The following MMUT variants were observed in gnomAD, a reference collection of about 807,000 sequenced individuals.
MMUT encodes the protein methylmalonyl-CoA mutase, mitochondrial.
In MMUT, 79 loss-of-function variants were observed where a neutral mutation model predicts 79.9. That is an observed-to-expected ratio of 0.99 (90% CI 0.82 to 1.19). The LOEUF (loss-of-function observed/expected upper bound fraction) is 1.19. MMUT is among the 50% of genes most tolerant of loss of function. MMUT has a pLI of 0.00. For synonymous variants in MMUT, 273 were observed against 295.7 expected, an observed-to-expected ratio of 0.92 and a Z score of 0.79; for missense variants, 860 against 917.2, an observed-to-expected ratio of 0.94 and a Z score of 0.81.
intron 8 of MMUT, 99 bp from the exon 9 acceptor site, chr6:49,444,853 C>A: frequency 1.2e-6 from 1 of 839,808 alleles, no homozygotes; most frequent in Non-Finnish European, 1.9e-6. Context: ...GCATTTTTTT[C>A]CATAATCCTA....
At chr6:49,448,722 TTTTTG>T (rs1767472988) in intron 7 of MMUT, 89 bp downstream of exon 7, 3 of 1,062,688 alleles carry the variant, frequency 2.8e-6, no homozygotes, top group South Asian at 1.3e-5. Context: ...TTTTTCATTA[TTTTTG>T]TTTTGTTAAC....
chr6:49,431,973 A>G (rs1766991801), intron 12 of MMUT, 117 bp from the exon 13 acceptor site: 1 of 1,198,668 alleles, frequency 8.3e-7, no homozygotes, highest in Non-Finnish European at 1.2e-6. Context: ...CTGGTATACT[A>G]CTGGCATTTG....
chr6:49,453,961 G>T (rs1263822649), intron 4 of MMUT, among the ~76,000 whole-genome samples: 2 of 152,060 alleles, frequency 1.3e-5, no homozygotes, highest in Admixed American at 1.3e-4. Context: ...AAGAAATTTT[G>T]CTTCAGGTAA....
rs533286592 is a variant in MMUT at position 49,436,607 on chromosome 6, A to G, written c.1957-984T>C. On this transcript the variant is annotated intron_variant, in intron 11 of 12. Coordinates refer to ENST00000274813, the MANE Select transcript of MMUT (RefSeq NM_000255.4). Reference sequence around the variant, plus strand: ...ATGAAAGAGCGAGACTCTGTTTCAAAAAAAAAAAAAAAAATACACATTCAC... The same window carrying G: ...ATGAAAGAGCGAGACTCTGTTTCAAGAAAAAAAAAAAAAATACACATTCAC... Among the ~76,000 whole-genome samples the G allele has an allele frequency of 1.4e-4, 21 of 150,056 alleles. No homozygotes were observed. In the South Asian group the frequency reaches 4.4e-3, roughly 31 times the overall value.
At position 49,453,604 on chromosome 6, in the gene MMUT, C is replaced by A. The variant is rs1375836362; in HGVS notation, c.1064G>T (p.Gly355Val). 2 of 1,610,694 alleles carry A rather than the reference C, an allele frequency of 1.2e-6. No homozygotes were observed. Among genetic ancestry groups the A allele is most frequent in the Non-Finnish European group, 1.7e-6 (2 of 1,177,674 alleles). ...ACATACCTGCTCAGTAAGTGACCAT[C>A]CAGATGTCTGACAGTGTGCTCTTAG... Reference protein sequence around the residue: ...LLLRAHCQTSGWSLTEQDPYN... With the variant: ...LLLRAHCQTSVWSLTEQDPYN... The change falls in exon 5 of 13, where the codon GGA becomes GTA. Residue 355 changes from glycine to valine, a missense_variant. Transcript: ENST00000274813.
rs1022056461 is a variant in MMUT, at chr6:49,430,496, ATTGGAC to A, written c.*1226_*1231del. On this transcript the variant is annotated 3_prime_UTR_variant, in exon 13 of 13. Coordinates refer to ENST00000274813, the MANE Select transcript of MMUT (RefSeq NM_000255.4). ...AATAAAATGGCATAGTGAATATATCATTGGACTTGAAGTCAGTGTTCATCTGAAAAT... is the reference window on the plus strand; with the variant it reads ...AATAAAATGGCATAGTGAATATATCATTGAAGTCAGTGTTCATCTGAAAAT... The A allele has an allele frequency of 6.6e-6, 1 of 152,204 alleles. No homozygotes were observed. Among genetic ancestry groups the A allele is most frequent in the African/African-American group, 2.4e-5 (1 of 41,448 alleles). 9.4% of individuals were successfully genotyped at this position (152,204 alleles called of 1,614,324 possible). A position where few individuals can be genotyped will look rare whatever the true frequency, so the allele number is the denominator to read the frequency against.
At position 49,440,121 on chromosome 6, in the gene MMUT, C is replaced by T. The variant is rs1767232670; in HGVS notation, c.1956+85G>A. 3.9e-6 allele frequency: 6 copies of T among 1,536,670 alleles called. No homozygotes were observed. The Admixed American group carries it at 5.0e-5, about 13-fold the overall frequency. ...TTACCAGGAGATGTATTAATTTGCTCAATGTCTGTCATCATTTTACTACAT... is the reference window on the plus strand; with the variant it reads ...TTACCAGGAGATGTATTAATTTGCTTAATGTCTGTCATCATTTTACTACAT... On this transcript the variant is annotated intron_variant, in intron 11 of 12. Transcript: ENST00000274813.
intron 3 of MMUT, among the ~76,000 whole-genome samples, chr6:49,456,755 CTA>C (rs1767701304): frequency 6.6e-6 from 1 of 152,098 alleles, no homozygotes; most frequent in African/African-American, 2.4e-5. Context: ...ATTCTTAGTA[CTA>C]TATGTTGAAA....
intron 12 of MMUT, among the ~76,000 whole-genome samples, chr6:49,435,087 T>C (rs947813391): frequency 2.0e-5 from 3 of 152,278 alleles, no homozygotes; most frequent in East Asian, 1.9e-4. Flanking sequence ...GGTTTTGATA[T>C]ATTCACTGTG....
chr6:49,436,899 C>T (rs1220247859), intron 11 of MMUT, among the ~76,000 whole-genome samples: 6 of 151,946 alleles, frequency 3.9e-5, no homozygotes, highest in African/African-American at 1.5e-4. Context: ...AACACATGGA[C>T]ACAAACAAGG....
At position 49,431,440 on chromosome 6, in the gene MMUT, T is replaced by C. The variant is rs924927027; in HGVS notation, c.*288A>G. The C allele has an allele frequency of 4.7e-6, 1 of 214,668 alleles. No homozygotes were observed. The highest frequency in any genetic ancestry group is 2.3e-5 in the African/African-American group (1 of 42,862). 13.3% of individuals were successfully genotyped at this position (214,668 alleles called of 1,614,324 possible). ...GATTTATAAGAAACATTCTAATAAA[T>C]ACATCACCATGATTTTTAAAAATAA... On this transcript the variant is annotated 3_prime_UTR_variant, in exon 13 of 13. Coordinates refer to ENST00000274813, the MANE Select transcript of MMUT (RefSeq NM_000255.4).
intron 12 of MMUT, among the ~76,000 whole-genome samples, chr6:49,432,604 G>T (rs555211048): frequency 6.6e-6 from 1 of 152,220 alleles, no homozygotes; most frequent in African/African-American, 2.4e-5. Flanking sequence ...AGCCAGGATG[G>T]TCTCAATCTC....
chr6:49,437,342 C>G (rs1767158288), intron 11 of MMUT, among the ~76,000 whole-genome samples: 1 of 151,772 alleles, frequency 6.6e-6, no homozygotes, highest in South Asian at 2.1e-4. Context: ...CATGACATTA[C>G]TAAATGCAAA....
chr6:49,458,010 C>T lies in MMUT; in HGVS notation c.434G>A (p.Gly145Asp). 1 of 1,604,126 alleles carries T rather than the reference C, an allele frequency of 6.2e-7. No homozygotes were observed. Among genetic ancestry groups the T allele is most frequent in the Non-Finnish European group, 8.5e-7 (1 of 1,179,894 alleles). ...AACTCGAGGGTTGTCTGAATCATAG[C>T]CACGATGTGTCGCCAGATCAAAGGC... Reference protein sequence around the residue: ...SVAFDLATHRGYDSDNPRVRG... With the variant: ...SVAFDLATHRDYDSDNPRVRG... The change falls in exon 3 of 13, where the codon GGC becomes GAC. Residue 145 changes from glycine (G) to aspartate (D), a missense_variant. Transcript: ENST00000274813.
chr6:49,442,891 G>C (rs1345840774), intron 9 of MMUT, among the ~76,000 whole-genome samples: 1 of 151,972 alleles, frequency 6.6e-6, no homozygotes, highest in Non-Finnish European at 1.5e-5. Context: ...CGGAAGATTA[G>C]GTTTGAATAT....
At position 49,430,833 on chromosome 6, in the gene MMUT, T is replaced by C. The variant is rs563222609; in HGVS notation, c.*895A>G. On this transcript the variant is annotated 3_prime_UTR_variant, in exon 13 of 13. Transcript: ENST00000274813. ...AACAGGTAAATGGCAACTTTCCTTC[T>C]TTAGTGAGCAAATCTTTCAGTAAGC... The C allele has an allele frequency of 1.3e-5, 2 of 152,330 alleles. No individual in the cohort carries two copies. The highest frequency in any genetic ancestry group is 6.5e-5 in the Admixed American group (1 of 15,296). The allele number at this position is 152,330 out of a possible 1,614,324, so 9.4% of individuals were successfully genotyped here. A position where few individuals can be genotyped will look rare whatever the true frequency, so the allele number is the denominator to read the frequency against.
chr6:49,432,016 T>G (rs1167873644), intron 12 of MMUT, among the ~76,000 whole-genome samples, 160 bp from the exon 13 acceptor site: 1 of 152,184 alleles, frequency 6.6e-6, no homozygotes, highest in East Asian at 1.9e-4. Context: ...TTGGGAGTGC[T>G]ACTAATAGTC....
chr6:49,458,154 A>AT, intron 2 of MMUT, 96 bp from the exon 3 acceptor site: 2 of 1,210,372 alleles, frequency 1.7e-6, no homozygotes, highest in Non-Finnish European at 1.2e-6. Flanking sequence ...GATTCATCTC[A>AT]TAACAGTACA....
In MMUT at chr6:49,458,049, T is replaced by C. The variant is rs766605891; in HGVS notation, c.395A>G (p.Gln132Arg). 8.7e-6 allele frequency: 14 copies of C among 1,600,732 alleles called. No individual in the cohort carries two copies. The South Asian group carries it at 1.4e-4, about 16-fold the overall frequency. ...FYKDNIKAGQQGLSVAFDLAT... is the reference protein window; with the variant it reads ...FYKDNIKAGQRGLSVAFDLAT... Reference sequence around the variant, plus strand: ...CAGATCAAAGGCAACTGATAATCCCTGCTGACCAGCTAAATATATAAAGAA... The same window carrying C: ...CAGATCAAAGGCAACTGATAATCCCCGCTGACCAGCTAAATATATAAAGAA... Residue 132 changes from glutamine (Q) to arginine (R), a missense_variant, in exon 3 of 13, where the codon CAG (glutamine) becomes CGG (arginine). By Grantham distance (43) the Gln-to-Arg change is conservative (BLOSUM62 1). Coordinates refer to ENST00000274813, the MANE Select transcript of MMUT (RefSeq NM_000255.4).
Sources: allele counts gnomAD v4.1 joint callset (sites outside exome capture counted in the v4.1 genomes callset), GRCh38; gene constraint gnomAD v4.1.1; transcripts MANE v1.5; gene names NCBI Gene and HGNC (gene_info 2026-07-23, HGNC 2026-07-21).